The following PDGFC variants were observed in gnomAD, a reference collection of about 807,000 sequenced individuals.
PDGFC encodes platelet derived growth factor C, also known as platelet-derived growth factor C.
PDGFC carries 12 observed loss-of-function variants against 35.5 expected under a neutral mutation model. That is an observed-to-expected ratio of 0.34 (90% CI 0.22 to 0.55). The LOEUF is 0.55. Among genes scored for constraint, PDGFC ranks in the 20% least tolerant of loss-of-function variants. PDGFC has a pLI of 0.91. For synonymous variants in PDGFC, 159 were observed against 148.8 expected, an observed-to-expected ratio of 1.07 and a Z score of -0.50; for missense variants, 322 against 412.4, an observed-to-expected ratio of 0.78 and a Z score of 1.90.
At chr4:156,776,136 T>C (rs1273628582) in intron 3 of PDGFC, among the ~76,000 whole-genome samples, 3 of 151,938 alleles carry the variant, frequency 2.0e-5, no homozygotes, top group Non-Finnish European at 2.9e-5. Context: ...GAAAAAAAAA[T>C]GTCTTTGAAT....
rs183346128 is a variant in PDGFC, at chr4:156,887,604, C to A, written c.119-37188G>T. ...GATACCAGGAGAAGAATAATGTATACATTTTTATTCAATATTAAACTAGTA... is the reference window on the plus strand; with the variant it reads ...GATACCAGGAGAAGAATAATGTATAAATTTTTATTCAATATTAAACTAGTA... On this transcript the variant is annotated intron_variant, in intron 1 of 5. Transcript: ENST00000502773. 4.0e-3 allele frequency among the ~76,000 whole-genome samples: 606 copies of A among 152,202 alleles called. 1 individual carries two copies. The highest frequency in any genetic ancestry group is 0.014 in the African/African-American group (582 of 41,542).
chr4:156,774,602 A>C (rs1188401704), intron 3 of PDGFC: 1 of 151,118 alleles, frequency 6.6e-6, no homozygotes, highest in African/African-American at 2.4e-5. Flanking sequence ...CTTACAGGGT[A>C]TAATCGGCAG....
chr4:156,890,906 A>C (rs150215859), intron 1 of PDGFC, among the ~76,000 whole-genome samples: 310 of 152,286 alleles, frequency 2.0e-3, no homozygotes, highest in African/African-American at 7.0e-3. Context: ...TCCATTTGGT[A>C]ATATGTGTAT....
At chr4:156,827,293 T>A (rs562711041) in intron 2 of PDGFC, among the ~76,000 whole-genome samples, 1 of 152,068 alleles carries the variant, frequency 6.6e-6, no homozygotes, top group South Asian at 2.1e-4. Flanking sequence ...GGCGGGCACC[T>A]GTAGTCCCAG....
chr4:156,970,745 C>T, intron 1 of PDGFC, 41 bp downstream of exon 1: 1 of 1,250,190 alleles, frequency 8.0e-7, no homozygotes, highest in South Asian at 1.2e-5. Context: ...TTAACACACA[C>T]AGCGAGAAAC....
At chr4:156,848,599 T>C (rs551468086) in intron 2 of PDGFC, among the ~76,000 whole-genome samples, 31 of 152,168 alleles carry the variant, frequency 2.0e-4, no homozygotes, top group African/African-American at 7.2e-4. Context: ...TTTTTAGTTT[T>C]GCTTGTTCTG....
At chr4:156,845,941 C>G (rs1050951387) in intron 2 of PDGFC, among the ~76,000 whole-genome samples, 7 of 151,368 alleles carry the variant, frequency 4.6e-5, no homozygotes, top group African/African-American at 1.7e-4. Flanking sequence ...AACAGAAAAG[C>G]AAAGCAAAAT....
At chr4:156,832,965 G>C (rs1280176495) in intron 2 of PDGFC, among the ~76,000 whole-genome samples, 5 of 152,146 alleles carry the variant, frequency 3.3e-5, no homozygotes, top group Admixed American at 3.3e-4. Context: ...TGAGAGTTTG[G>C]TTCATATGGA....
rs1730416000 is a variant in PDGFC, at chr4:156,762,931, T to C, written c.*159A>G. ...AGCTGTTGCACAACTCCTAATTCTG[T>C]TTGATGTCTCCTCTTTCAGAATGCA... On this transcript the variant is annotated 3_prime_UTR_variant, in exon 6 of 6. Transcript: ENST00000502773. The C allele has an allele frequency of 1.8e-6, 1 of 557,978 alleles. No individual in the cohort carries two copies. Among genetic ancestry groups the C allele is most frequent in the Admixed American group, 2.8e-5 (1 of 36,264 alleles). The allele number at this position is 557,978 out of a possible 1,614,324, so 34.6% of individuals were successfully genotyped here.
intron 3 of PDGFC, among the ~76,000 whole-genome samples, chr4:156,808,768 C>T (rs1201878676): frequency 6.6e-6 from 1 of 151,886 alleles, no homozygotes; most frequent in Non-Finnish European, 1.5e-5. Flanking sequence ...CAGATCTCAC[C>T]CTTCTGCAGA....
At chr4:156,764,119 G>A (rs1406453116) in intron 5 of PDGFC, among the ~76,000 whole-genome samples, 2 of 152,142 alleles carry the variant, frequency 1.3e-5, no homozygotes, top group African/African-American at 2.4e-5. Flanking sequence ...AAAATAATAT[G>A]AAATTTTCTA....
In PDGFC at chr4:156,843,378, T is replaced by A. The variant is rs116344054; in HGVS notation, c.314+6843A>T. Among the ~76,000 whole-genome samples the A allele has an allele frequency of 5.8e-3, 881 of 152,326 alleles. 5 individuals carry two copies. The highest frequency in any genetic ancestry group is 0.02 in the African/African-American group (814 of 41,558). Reference sequence around the variant, plus strand: ...ATAAGCCACCCAGTTTATGGTTTGTTACAGCAGTCCAAACAGGATGAGACA... The same window carrying A: ...ATAAGCCACCCAGTTTATGGTTTGTAACAGCAGTCCAAACAGGATGAGACA... On this transcript the variant is annotated intron_variant, in intron 2 of 5. Transcript: ENST00000502773.
In PDGFC at chr4:156,888,223, T is replaced by C. The variant is rs527529456; in HGVS notation, c.119-37807A>G. 2.0e-5 allele frequency among the ~76,000 whole-genome samples: 3 copies of C among 152,242 alleles called. No individual in the cohort carries two copies. In the South Asian group the frequency reaches 6.2e-4, roughly 32 times the overall value. ...CTTGCCCTATTGCTCCAGTTATAAG[T>C]TCATGTTTTCTTTATGCACTTATCA... On this transcript the variant is annotated intron_variant, in intron 1 of 5. Coordinates refer to ENST00000502773, the MANE Select transcript of PDGFC (RefSeq NM_016205.3).
At chr4:156,948,800 A>G (rs1445824293) in intron 1 of PDGFC, among the ~76,000 whole-genome samples, 1 of 151,990 alleles carries the variant, frequency 6.6e-6, no homozygotes, top group African/African-American at 2.4e-5. Context: ...ACATAAAAAT[A>G]TTTAAAATCT....
intron 3 of PDGFC, among the ~76,000 whole-genome samples, chr4:156,795,568 C>G (rs1349434563): frequency 6.6e-6 from 1 of 152,054 alleles, no homozygotes; most frequent in African/African-American, 2.4e-5. Context: ...TTATGATTCT[C>G]CACCTGAACT....
intron 2 of PDGFC, among the ~76,000 whole-genome samples, chr4:156,824,137 C>T (rs980218071): frequency 6.6e-6 from 1 of 151,664 alleles, no homozygotes; most frequent in East Asian, 1.9e-4. Flanking sequence ...TTTCGTTAGA[C>T]TGTAGGAATA....
chr4:156,809,210 CCAATCATTGTTAAATGATTAAA>C (rs1202458558), intron 3 of PDGFC, among the ~76,000 whole-genome samples: 4 of 151,860 alleles, frequency 2.6e-5, no homozygotes, highest in Non-Finnish European at 5.9e-5. Flanking sequence ...TGACAATTTA[CCAATCATTGTTAAATGATTAAA>C]CAATCATTTA....
intron 1 of PDGFC, among the ~76,000 whole-genome samples, chr4:156,913,593 C>T (rs1560870414): frequency 2.0e-5 from 3 of 152,202 alleles, no homozygotes; most frequent in African/African-American, 7.2e-5. Flanking sequence ...TCTCTTGAGG[C>T]TTCGCGCCAA....
At chr4:156,954,249 T>C (rs529285747) in intron 1 of PDGFC, among the ~76,000 whole-genome samples, 3 of 152,126 alleles carry the variant, frequency 2.0e-5, no homozygotes, top group African/African-American at 7.2e-5. Flanking sequence ...CTAAGGACTA[T>C]TTAGTTCTGC....
Sources: allele counts gnomAD v4.1 joint callset (sites outside exome capture counted in the v4.1 genomes callset), GRCh38; gene constraint gnomAD v4.1.1; transcripts MANE v1.5; gene names NCBI Gene and HGNC (gene_info 2026-07-23, HGNC 2026-07-21).